The following LIX1 variants were observed in gnomAD, a reference collection of about 807,000 sequenced individuals.
The protein encoded by LIX1 is limb and CNS expressed 1.
In LIX1, 24 loss-of-function variants were observed where a neutral mutation model predicts 33.4. That is an observed-to-expected ratio of 0.72 (90% CI 0.52 to 1.01). LIX1 has a LOEUF of 1.01. Ranked by LOEUF, LIX1 falls within the 50% of genes least tolerant of loss-of-function variation. The probability of loss-of-function intolerance (pLI) is 0.00; values close to 1 mark genes in which losing one functional copy is unlikely to be tolerated. For missense variants in LIX1, 311 were observed against 339.2 expected (o/e 0.92, Z 0.65); for synonymous variants, 124 against 124.0 (o/e 1.00, Z 0.00).
intron 2 of LIX1, among the ~76,000 whole-genome samples, chr5:97,119,139 A>G (rs1405518273): frequency 1.3e-5 from 2 of 152,230 alleles, no homozygotes; most frequent in Non-Finnish European, 2.9e-5. Flanking sequence ...ATCCAGTCCC[A>G]TACTCCACTT....
intron 4 of LIX1, among the ~76,000 whole-genome samples, chr5:97,098,838 G>T: frequency 6.6e-6 from 1 of 152,290 alleles, no homozygotes; most frequent in Non-Finnish European, 1.5e-5. Flanking sequence ...AAATTATTTG[G>T]TAAATTTTAA....
At chr5:97,098,080 T>G (rs888468986) in intron 4 of LIX1, among the ~76,000 whole-genome samples, 1 of 152,242 alleles carries the variant, frequency 6.6e-6, no homozygotes, top group Non-Finnish European at 1.5e-5. Context: ...ATTCTAAAAT[T>G]GCAAGTAAAA....
chr5:97,135,926 G>T (rs1748163505), intron 1 of LIX1, among the ~76,000 whole-genome samples: 1 of 152,188 alleles, frequency 6.6e-6, no homozygotes, highest in Admixed American at 6.5e-5. Flanking sequence ...TTGCTGATCA[G>T]TTCTTCTTAG....
At chr5:97,135,148 GA>G (rs1748146347) in intron 1 of LIX1, among the ~76,000 whole-genome samples, 1 of 152,168 alleles carries the variant, frequency 6.6e-6, no homozygotes, top group African/African-American at 2.4e-5. Context: ...ATGCAAAAGG[GA>G]TATCATACTT....
intron 1 of LIX1, among the ~76,000 whole-genome samples, chr5:97,134,727 C>G (rs975208583): frequency 6.6e-6 from 1 of 152,148 alleles, no homozygotes; most frequent in African/African-American, 2.4e-5. Context: ...CTTAGCTGAA[C>G]CCCAGGACAC....
chr5:97,110,315 A>T (rs906233157), intron 2 of LIX1, among the ~76,000 whole-genome samples: 40 of 152,244 alleles, frequency 2.6e-4, no homozygotes, highest in Admixed American at 1.3e-4. Flanking sequence ...AACACAAATT[A>T]AAAAATAACA....
At chr5:97,098,334 T>C (rs62377089) in intron 4 of LIX1, among the ~76,000 whole-genome samples, 5 of 152,198 alleles carry the variant, frequency 3.3e-5, no homozygotes, top group African/African-American at 7.2e-5. Flanking sequence ...TTGCCTTTTG[T>C]GGTATCAAAG....
At chr5:97,137,233 G>T in intron 1 of LIX1, 1 of 356,196 alleles carries the variant, frequency 2.8e-6, no homozygotes, top group Non-Finnish European at 5.6e-6. Context: ...GACCTCTGGT[G>T]AGATGGGAGA....
intron 2 of LIX1, among the ~76,000 whole-genome samples, chr5:97,113,104 A>G (rs1747495558): frequency 6.6e-6 from 1 of 152,226 alleles, no homozygotes; most frequent in South Asian, 2.1e-4. Context: ...CCTTGGGGAA[A>G]GTCACTGCCA....
At chr5:97,100,124 C>T in intron 4 of LIX1, among the ~76,000 whole-genome samples, 1 of 152,180 alleles carries the variant, frequency 6.6e-6, no homozygotes, top group East Asian at 1.9e-4. Context: ...GCTCTCCCCG[C>T]CCCATAAGGG....
Position 97,108,634 on chromosome 5 carries a change from G to A in LIX1, c.247-1134C>T, listed in dbSNP as rs150030044. ...TCCTACAGGCTCCTGTGAACCCAGG[G>A]ATAAGTGTCTAGGATCTTGGACTCC... On this transcript the variant is annotated intron_variant, in intron 2 of 5. Transcript: ENST00000274382. 3.1e-3 allele frequency among the ~76,000 whole-genome samples: 466 copies of A among 151,792 alleles called. 7 individuals carry two copies. Among genetic ancestry groups the A allele is most frequent in the African/African-American group, 0.011 (441 of 41,416 alleles).
At chr5:97,096,009 A>T (rs979501973) in intron 5 of LIX1, among the ~76,000 whole-genome samples, 9 of 152,360 alleles carry the variant, frequency 5.9e-5, no homozygotes, top group Non-Finnish European at 1.3e-4. Context: ...ACTAAAAACT[A>T]GGGGGCTGCA....
intron 1 of LIX1, among the ~76,000 whole-genome samples, chr5:97,140,675 AT>A (rs1266000626): frequency 2.0e-5 from 3 of 152,134 alleles, no homozygotes; most frequent in Non-Finnish European, 4.4e-5. Flanking sequence ...ATTCCACGAG[AT>A]TGGTAAGTGG....
chr5:97,118,473 T>C (rs1340600601), intron 2 of LIX1, among the ~76,000 whole-genome samples: 1 of 152,082 alleles, frequency 6.6e-6, no homozygotes, highest in Non-Finnish European at 1.5e-5. Context: ...CAGACGTGGA[T>C]CTGATGGCCC....
At chr5:97,100,123 G>A (rs527811407) in intron 4 of LIX1, among the ~76,000 whole-genome samples, 1 of 152,054 alleles carries the variant, frequency 6.6e-6, no homozygotes, top group African/African-American at 2.4e-5. Context: ...TGCTCTCCCC[G>A]CCCCATAAGG....
intron 4 of LIX1, among the ~76,000 whole-genome samples, chr5:97,098,929 T>G (rs1746530434): frequency 6.6e-6 from 1 of 152,242 alleles, no homozygotes; most frequent in Non-Finnish European, 1.5e-5. Flanking sequence ...TTTCTTCTTT[T>G]CTGTCAGAGA....
At chr5:97,105,696 A>G (rs1373466112) in intron 3 of LIX1, among the ~76,000 whole-genome samples, 1 of 152,242 alleles carries the variant, frequency 6.6e-6, no homozygotes, top group East Asian at 1.9e-4. Flanking sequence ...TTTATGGACC[A>G]TTCAGCTTTT....
chr5:97,140,193 A>G (rs1748256132), intron 1 of LIX1, among the ~76,000 whole-genome samples: 1 of 152,190 alleles, frequency 6.6e-6, no homozygotes, highest in Admixed American at 6.5e-5. Flanking sequence ...ATGGAAGATA[A>G]ATTAAGAAAA....
chr5:97,112,672 C>T (rs1315414320), intron 2 of LIX1, among the ~76,000 whole-genome samples: 6 of 152,070 alleles, frequency 3.9e-5, no homozygotes, highest in Non-Finnish European at 7.4e-5. Flanking sequence ...GAGCCACATG[C>T]TTTCCGAGTG....
Sources: gnomAD v4.1 joint callset for allele counts (sites outside exome capture counted in the v4.1 genomes callset) on GRCh38, gnomAD v4.1.1 for gene constraint, MANE v1.5 for transcripts, NCBI Gene and HGNC (gene_info 2026-07-23, HGNC 2026-07-21) for gene names.